KLHL8: variants seen among roughly 807,000 people sequenced by gnomAD.
The protein encoded by KLHL8 is kelch like family member 8.
In KLHL8, 38 loss-of-function variants were observed where a neutral mutation model predicts 63.5. That is an observed-to-expected ratio of 0.60 (90% confidence interval 0.46 to 0.78). The LOEUF (loss-of-function observed/expected upper bound fraction) is 0.78. KLHL8 is among the 30% of genes least tolerant of loss of function. The probability of loss-of-function intolerance (pLI) is 0.00; values close to 1 mark genes in which losing one functional copy is unlikely to be tolerated. For missense variants in KLHL8, 566 were observed against 752.4 expected (o/e 0.75, Z 2.90); for synonymous variants, 224 against 254.3 (o/e 0.88, Z 1.13).
At chr4:87,210,059 T>C (rs1464794014) in intron 1 of KLHL8, among the ~76,000 whole-genome samples, 1 of 152,102 alleles carries the variant, frequency 6.6e-6, no homozygotes, top group African/African-American at 2.4e-5. Context: ...GGTTTTGCCA[T>C]GTTTCCCAGG....
Position 87,226,764 on chromosome 4 carries a change from T to A in KLHL8, n.58-5374A>T, listed in dbSNP as rs866761250. Among the ~76,000 whole-genome samples the A allele has an allele frequency of 1.8e-3, 36 of 20,454 alleles. 5 individuals carry two copies. The highest frequency in any genetic ancestry group is 3.1e-3 in the East Asian group (1 of 320). The allele number at this position is 20,454 out of a possible 152,430, so 13.4% of individuals were successfully genotyped here. A position where few individuals can be genotyped will look rare whatever the true frequency, so the allele number is the denominator to read the frequency against. ...TTATATATAATATATATTATTTATATATAATATATATTATATATATAATAT... is the reference window on the plus strand; with the variant it reads ...TTATATATAATATATATTATTTATAAATAATATATATTATATATATAATAT... On this transcript the variant is annotated intron_variant and non_coding_transcript_variant, in intron 1 of 1. Coordinates refer to the KLHL8 transcript ENST00000506274.
In KLHL8 at chr4:87,185,655, A is replaced by G; in HGVS notation, c.361T>C (p.Leu121=). The G allele has an allele frequency of 6.2e-7, 1 of 1,614,200 alleles. No individual in the cohort carries two copies. The highest frequency in any genetic ancestry group is 1.1e-5 in the South Asian group (1 of 91,086). The change falls in exon 3 of 10, where the codon TTG becomes CTG. Residue 121 remains leucine, a synonymous_variant. Coordinates refer to ENST00000273963, the MANE Select transcript of KLHL8 (RefSeq NM_020803.5). Reference sequence around the variant, plus strand: ...CGTGAAGAATAGACAAACTTTACCAAGTCTTCTATTGCATCACCATCAAAA... The same window carrying G: ...CGTGAAGAATAGACAAACTTTACCAGGTCTTCTATTGCATCACCATCAAAA... ...RDFDGDAIED[L]VKFVYSSRLT... is the part of the protein sequence containing the mutation.
At position 87,172,471 on chromosome 4, in the gene KLHL8, T is replaced by C. The variant is rs898803311; in HGVS notation, c.1209-1856A>G. Among the ~76,000 whole-genome samples the C allele has an allele frequency of 4.6e-5, 7 of 152,152 alleles. No individual in the cohort carries two copies. The South Asian group carries it at 6.2e-4, about 14-fold the overall frequency. On this transcript the variant is annotated intron_variant, in intron 6 of 9. Transcript: ENST00000273963. ...ATGGGTGCTATTTTAAGCTGCTAAA[T>C]TGGGGGCAATTTGTTACATGGACAT...
chr4:87,234,060 G>A (rs1369460145), intron 1 of KLHL8, among the ~76,000 whole-genome samples: 1 of 152,190 alleles, frequency 6.6e-6, no homozygotes, highest in Non-Finnish European at 1.5e-5. Context: ...TACTGTAGAT[G>A]TAGAGATACT....
rs1330517043 is a variant in KLHL8, at chr4:87,160,767, C to G, written c.*2752G>C. 6.6e-6 allele frequency: 1 copy of G among 151,974 alleles called. No homozygotes were observed. The highest frequency in any genetic ancestry group is 2.4e-5 in the African/African-American group (1 of 41,372). The allele number at this position is 151,974 out of a possible 1,614,324, so 9.4% of individuals were successfully genotyped here. A position where few individuals can be genotyped will look rare whatever the true frequency, so the allele number is the denominator to read the frequency against. ...AAATATTTATTGAAGAAATAATAAACAAATTTTCATGATTTATTTTGTCCA... is the reference window on the plus strand; with the variant it reads ...AAATATTTATTGAAGAAATAATAAAGAAATTTTCATGATTTATTTTGTCCA... On this transcript the variant is annotated 3_prime_UTR_variant, in exon 10 of 10. Transcript: ENST00000273963.
chr4:87,188,665 T>C (rs1005710928), intron 2 of KLHL8, among the ~76,000 whole-genome samples: 11 of 152,204 alleles, frequency 7.2e-5, no homozygotes, highest in Admixed American at 2.0e-4. Context: ...TTTGATGTTA[T>C]ATAGTTAATT....
chr4:87,207,554 T>A (rs1202383839), intron 1 of KLHL8: 5 of 1,112,516 alleles, frequency 4.5e-6, no homozygotes, highest in Non-Finnish European at 6.8e-6. Flanking sequence ...ACCAACTGCT[T>A]AGCGCCCCTG....
intron 8 of KLHL8, among the ~76,000 whole-genome samples, chr4:87,169,747 C>T (rs1010997879): frequency 5.3e-5 from 8 of 152,022 alleles, no homozygotes; most frequent in African/African-American, 1.9e-4. Context: ...GCCTCTAGTC[C>T]TAGCTACTTG....
At chr4:87,205,533 A>G (rs1040589613) in intron 1 of KLHL8, among the ~76,000 whole-genome samples, 1 of 152,146 alleles carries the variant, frequency 6.6e-6, no homozygotes, top group Admixed American at 6.5e-5. Context: ...CTACAACTCT[A>G]TGAAGTAGCT....
At chr4:87,240,403 T>C (rs1733307438), upstream of KLHL8, 9 of 152,224 alleles carry the variant, frequency 5.9e-5, no homozygotes, top group South Asian at 1.9e-3. Flanking sequence ...TGTTGCTCTT[T>C]ATAGTCTTCT....
rs75418485 is a variant in KLHL8 at position 87,161,816 on chromosome 4, C to T, written c.*1703G>A. ...TACACAAAAGAACACTGGTTCAGAT[C>T]CAGCAATGACTTATGAACTTGCCCA... is the stretch of plus-strand genomic sequence containing the variant. On this transcript the variant is annotated 3_prime_UTR_variant, in exon 10 of 10. Transcript: ENST00000273963. 1 of 152,204 alleles carries T rather than the reference C, an allele frequency of 6.6e-6. No homozygotes were observed. The highest frequency in any genetic ancestry group is 2.4e-5 in the African/African-American group (1 of 41,450). The allele number at this position is 152,204 out of a possible 1,614,324, so 9.4% of individuals were successfully genotyped here.
At position 87,185,841 on chromosome 4, in the gene KLHL8, A is replaced by C; in HGVS notation, c.217-42T>G. 3 of 1,477,014 alleles carry C rather than the reference A, an allele frequency of 2.0e-6. No homozygotes were observed. In the East Asian group the frequency reaches 7.3e-5, roughly 36 times the overall value. The allele number at this position is 1,477,014 out of a possible 1,614,324, so 91.5% of individuals were successfully genotyped here. A position where few individuals can be genotyped will look rare whatever the true frequency, so the allele number is the denominator to read the frequency against. On this transcript the variant is annotated intron_variant, in intron 2 of 9. Transcript: ENST00000273963. ...AAGAAAGATTCTGTTTAATATCAAA[A>C]TCAGCTTCAGGTCAGCATTTAACAT...
chr4:87,192,220 A>T lies in KLHL8; in HGVS notation c.216+3104T>A, dbSNP rs10033658. Among the ~76,000 whole-genome samples the T allele has an allele frequency of 3.6e-3, 543 of 152,302 alleles. 2 individuals are homozygous for T. Among genetic ancestry groups the T allele is most frequent in the African/African-American group, 0.012 (513 of 41,570 alleles). On this transcript the variant is annotated intron_variant, in intron 2 of 9. Transcript: ENST00000273963. ...CTCCACAGTGGCTGAACTAATCTACATTCCCACCAACAGTGTATAAGTGTT... is the reference window on the plus strand; with the variant it reads ...CTCCACAGTGGCTGAACTAATCTACTTTCCCACCAACAGTGTATAAGTGTT...
At chr4:87,211,377 G>A (rs944454362) in intron 1 of KLHL8, among the ~76,000 whole-genome samples, 2 of 152,068 alleles carry the variant, frequency 1.3e-5, no homozygotes, top group Non-Finnish European at 2.9e-5. Context: ...GAATCAAACA[G>A]TCCAAAATAT....
chr4:87,208,070 C>T, intron 1 of KLHL8: 2 of 583,282 alleles, frequency 3.4e-6, no homozygotes, highest in Non-Finnish European at 6.5e-6. Context: ...GACCTCATGG[C>T]CCACATGGCC....
intron 1 of KLHL8, among the ~76,000 whole-genome samples, chr4:87,202,422 T>C (rs1361562144): frequency 1.3e-5 from 2 of 152,050 alleles, no homozygotes; most frequent in Non-Finnish European, 2.9e-5. Flanking sequence ...ACCTGGCCTG[T>C]TGATCAACAG....
At chr4:87,216,736 C>A (rs1732609201) in intron 1 of KLHL8, among the ~76,000 whole-genome samples, 1 of 151,840 alleles carries the variant, frequency 6.6e-6, no homozygotes, top group South Asian at 2.1e-4. Flanking sequence ...CTTGCATGAC[C>A]AACCCATTTA....
At chr4:87,179,054 A>G in intron 4 of KLHL8, among the ~76,000 whole-genome samples, 1 of 152,058 alleles carries the variant, frequency 6.6e-6, no homozygotes, top group East Asian at 1.9e-4. Flanking sequence ...TTCCATCCTT[A>G]GCCCATTTCT....
At chr4:87,207,252 T>C in intron 1 of KLHL8, 2 of 570,202 alleles carry the variant, frequency 3.5e-6, no homozygotes, top group South Asian at 3.1e-5. Context: ...TATGGCAAAT[T>C]CCATGCACCG....
Sources: allele counts gnomAD v4.1 joint callset (sites outside exome capture counted in the v4.1 genomes callset), GRCh38; gene constraint gnomAD v4.1.1; transcripts MANE v1.5; gene names NCBI Gene and HGNC (gene_info 2026-07-23, HGNC 2026-07-21).